The following MAD1L1 variants were observed in gnomAD, a reference collection of about 807,000 sequenced individuals.
MAD1L1 encodes mitotic arrest deficient 1 like 1.
MAD1L1 carries 95 observed loss-of-function variants against 96.9 expected under a neutral mutation model. The ratio of observed to expected loss-of-function variants is 0.98; its 90% CI spans 0.83 to 1.16. MAD1L1 has a LOEUF of 1.16. MAD1L1 is among the 50% of genes most tolerant of loss of function. MAD1L1 has a pLI of 0.00. For synonymous variants in MAD1L1, 473 were observed against 396.6 expected, an observed-to-expected ratio of 1.19 and a Z score of -2.29; for missense variants, 1,007 against 954.4, an observed-to-expected ratio of 1.06 and a Z score of -0.73.
chr7:1,920,643 G>A (rs1788729263), intron 17 of MAD1L1, among the ~76,000 whole-genome samples: 1 of 152,182 alleles, frequency 6.6e-6, no homozygotes, highest in African/African-American at 2.4e-5. Flanking sequence ...CCACAGCCGA[G>A]TGGGGGCGGA....
At chr7:1,896,755 G>A (rs577692856) in intron 18 of MAD1L1, among the ~76,000 whole-genome samples, 9 of 152,308 alleles carry the variant, frequency 5.9e-5, no homozygotes, top group East Asian at 5.8e-4. Flanking sequence ...CCTAAGATTC[G>A]CTTCAACTAC....
At chr7:1,976,353 G>C (rs1180016470) in intron 15 of MAD1L1, among the ~76,000 whole-genome samples, 1 of 152,232 alleles carries the variant, frequency 6.6e-6, no homozygotes, top group South Asian at 2.1e-4. Context: ...CTTTCTTCTG[G>C]TGGGTTCGTG....
intron 15 of MAD1L1, among the ~76,000 whole-genome samples, chr7:1,963,918 C>A (rs1406066190): frequency 1.3e-5 from 2 of 152,238 alleles, no homozygotes; most frequent in South Asian, 4.1e-4. Flanking sequence ...CTAGCACACA[C>A]CTCCGGCACC....
intron 18 of MAD1L1, among the ~76,000 whole-genome samples, chr7:1,865,386 G>A (rs1337955851): frequency 6.6e-6 from 1 of 152,214 alleles, no homozygotes; most frequent in Non-Finnish European, 1.5e-5. Context: ...CCAGCCCCGG[G>A]GCATCCCAGC....
chr7:1,865,246 C>T (rs1302597945), intron 18 of MAD1L1, among the ~76,000 whole-genome samples: 1 of 152,186 alleles, frequency 6.6e-6, no homozygotes, highest in East Asian at 1.9e-4. Context: ...GACCCCAGCT[C>T]TCCACAGTGG....
At chr7:2,077,885 G>A (rs1343006349) in intron 11 of MAD1L1, among the ~76,000 whole-genome samples, 1 of 152,226 alleles carries the variant, frequency 6.6e-6, no homozygotes, top group African/African-American at 2.4e-5. Flanking sequence ...TGTGTTCACA[G>A]GCGCCCGTCG....
rs1369759872 is a variant in MAD1L1, at chr7:2,195,149, G to A, written c.986+18063C>T. Among the ~76,000 whole-genome samples, 4 of 151,614 alleles carry A rather than the reference G, an allele frequency of 2.6e-5. No individual in the cohort carries two copies. In the East Asian group the frequency reaches 7.7e-4, roughly 29 times the overall value. On this transcript the variant is annotated intron_variant, in intron 10 of 18. Coordinates refer to ENST00000265854, the MANE Select transcript of MAD1L1 (RefSeq NM_001013836.2). ...GCTTAGAAAACTTACAGATAACTTA[G>A]CAGTGACCCCTACTGGGTTATCTAT...
intron 10 of MAD1L1, among the ~76,000 whole-genome samples, chr7:2,155,167 G>C (rs550382560): frequency 4.4e-4 from 67 of 152,262 alleles, no homozygotes; most frequent in African/African-American, 1.4e-3. Flanking sequence ...GAGGCTAAGA[G>C]AGCGAGCAAA....
In MAD1L1 at chr7:2,114,265, C is replaced by G. The variant is rs904982325; in HGVS notation, c.1073+34887G>C. 6.6e-6 allele frequency among the ~76,000 whole-genome samples: 1 copy of G among 152,250 alleles called. No individual in the cohort carries two copies. The highest frequency in any genetic ancestry group is 1.5e-5 in the Non-Finnish European group (1 of 68,054). ...AGGGCAAATGGCCGGATGGTAATGACTCATCCCAAAGGCCATCTCAACACA... is the reference window on the plus strand; with the variant it reads ...AGGGCAAATGGCCGGATGGTAATGAGTCATCCCAAAGGCCATCTCAACACA... On this transcript the variant is annotated intron_variant, in intron 11 of 18. Transcript: ENST00000265854. This position sits in a 1 kb window ranked among gnomAD's most constrained non-coding sequence, Gnocchi z 4.2.
intron 11 of MAD1L1, among the ~76,000 whole-genome samples, chr7:2,115,288 C>T (rs1288018975): frequency 3.4e-5 from 5 of 148,530 alleles, no homozygotes; most frequent in African/African-American, 1.3e-4. Context: ...GACAGGGTCC[C>T]CGCGTGTTCC....
chr7:2,123,760 G>C (rs1279431035), intron 11 of MAD1L1, among the ~76,000 whole-genome samples: 1 of 152,248 alleles, frequency 6.6e-6, no homozygotes, highest in Admixed American at 6.5e-5. Flanking sequence ...TGGTGCTGCA[G>C]GTGAGGAATC....
chr7:1,893,010 G>A (rs980574460), intron 18 of MAD1L1, among the ~76,000 whole-genome samples: 28 of 152,248 alleles, frequency 1.8e-4, no homozygotes, highest in African/African-American at 6.5e-4. Flanking sequence ...ACCACTGGGA[G>A]GAGTGCAGCC....
Position 2,230,008 on chromosome 7 carries a change from C to A in MAD1L1, c.126G>T (p.Gln42His). The change falls in exon 3 of 19, where the codon CAG becomes CAT. Residue 42 changes from glutamine (Q) to histidine (H), a missense_variant. Coordinates refer to ENST00000265854, the MANE Select transcript of MAD1L1 (RefSeq NM_001013836.2). ...CCTGCATGCTCTGCTGGTACTGCATCTGCAGAGAACCTGGGGCCGAGGTAG... is the reference window on the plus strand; with the variant it reads ...CCTGCATGCTCTGCTGGTACTGCATATGCAGAGAACCTGGGGCCGAGGTAG... Reference protein sequence around the residue: ...DISTSAPGSLQMQYQQSMQLE... With the variant: ...DISTSAPGSLHMQYQQSMQLE... 6.2e-7 allele frequency: 1 copy of A among 1,613,332 alleles called. No individual in the cohort carries two copies. The highest frequency in any genetic ancestry group is 1.1e-5 in the South Asian group (1 of 91,044).
chr7:2,083,192 A>G (rs1014086623), intron 11 of MAD1L1, among the ~76,000 whole-genome samples: 2 of 152,244 alleles, frequency 1.3e-5, no homozygotes, highest in African/African-American at 2.4e-5. Context: ...TTTCGGAATT[A>G]TTAGTTTCCC....
intron 18 of MAD1L1, among the ~76,000 whole-genome samples, chr7:1,885,504 G>T (rs996778973): frequency 1.3e-5 from 2 of 152,190 alleles, no homozygotes; most frequent in African/African-American, 2.4e-5. Flanking sequence ...GGCCACAGGG[G>T]TGCGGTCGGA....
In MAD1L1 at chr7:2,074,585, G is replaced by A. The variant is rs530508220; in HGVS notation, c.1074-5247C>T. The stretch of plus-strand genomic sequence containing the variant: ...TGCAGGCTGGCAGGCTGCTGGGAGG[G>A]GGCAAGGCCAGCGGCTAAAGAGCTG... On this transcript the variant is annotated intron_variant, in intron 11 of 18. Coordinates refer to ENST00000265854, the MANE Select transcript of MAD1L1 (RefSeq NM_001013836.2). Among the ~76,000 whole-genome samples, 40 of 152,300 alleles carry A rather than the reference G, an allele frequency of 2.6e-4. 1 individual carries two copies. In the South Asian group the frequency reaches 7.9e-3, roughly 30 times the overall value.
intron 18 of MAD1L1, among the ~76,000 whole-genome samples, chr7:1,827,202 G>C (rs1385058894): frequency 2.0e-5 from 3 of 152,234 alleles, no homozygotes; most frequent in Admixed American, 6.5e-5. Flanking sequence ...GGCGGGGATG[G>C]AGAAGGTGGG....
At chr7:2,049,952 C>T (rs527386036) in intron 12 of MAD1L1, among the ~76,000 whole-genome samples, 11 of 151,246 alleles carry the variant, frequency 7.3e-5, no homozygotes, top group Non-Finnish European at 1.3e-4. Flanking sequence ...CAAGGAACCT[C>T]ACCCAACGTC....
intron 18 of MAD1L1, among the ~76,000 whole-genome samples, chr7:1,887,480 C>T (rs1786142697): frequency 7.2e-6 from 1 of 139,176 alleles, no homozygotes; most frequent in Non-Finnish European, 1.5e-5. Flanking sequence ...CATGTGGCTG[C>T]CCGTGTGGGT....
Sources: allele counts gnomAD v4.1 joint callset (sites outside exome capture counted in the v4.1 genomes callset), GRCh38; gene constraint gnomAD v4.1.1; non-coding constraint Gnocchi (gnomAD v3.1); transcripts MANE v1.5; gene names NCBI Gene and HGNC (gene_info 2026-07-23, HGNC 2026-07-21).